Variants in SLC2A14 observed in about 807,000 individuals in gnomAD.
SLC2A14 encodes solute carrier family 2, facilitated glucose transporter member 14.
Under a neutral mutation model 43.0 loss-of-function variants are expected in SLC2A14, and 13 were observed. The observed-to-expected ratio is 0.30, with a 90% CI of 0.20 to 0.48. The LOEUF (loss-of-function observed/expected upper bound fraction) is 0.48. Ranked by LOEUF, SLC2A14 falls within the 20% of genes least tolerant of loss-of-function variation. The probability of loss-of-function intolerance (pLI) is 0.99; values close to 1 mark genes in which losing one functional copy is unlikely to be tolerated. For synonymous variants in SLC2A14, 190 were observed against 233.8 expected, an observed-to-expected ratio of 0.81 and a Z score of 1.71; for missense variants, 428 against 620.4, an observed-to-expected ratio of 0.69 and a Z score of 3.29.
intron 2 of SLC2A14, among the ~76,000 whole-genome samples, chr12:7,863,192 G>A (rs1944692236): frequency 1.3e-5 from 2 of 152,052 alleles, no homozygotes; most frequent in Non-Finnish European, 2.9e-5. Context: ...CCACCGGAAG[G>A]AACGAACGAC....
chr12:7,860,295 G>A (rs1944474381), intron 2 of SLC2A14: 2 of 152,208 alleles, frequency 1.3e-5, no homozygotes, highest in South Asian at 4.1e-4. Flanking sequence ...GAAAATATCA[G>A]GCAGAAGATA....
chr12:7,834,140 A>G (rs1330109571), intron 2 of SLC2A14, among the ~76,000 whole-genome samples: 3 of 151,732 alleles, frequency 2.0e-5, no homozygotes, highest in Admixed American at 6.6e-5. Flanking sequence ...TTTTCTTTTT[A>G]GTAAAAGTCC....
chr12:7,882,079 C>T (rs892232436), intron 1 of SLC2A14, among the ~76,000 whole-genome samples: 1 of 152,110 alleles, frequency 6.6e-6, no homozygotes, highest in African/African-American at 2.4e-5. Context: ...GCCTCCCTTT[C>T]TACACTTGGA....
intron 7 of SLC2A14, among the ~76,000 whole-genome samples, chr12:7,827,270 C>CTTTTTTTTTTTT (rs71038780): frequency 1.0e-5 from 1 of 99,242 alleles, no homozygotes. Flanking sequence ...TAATTTTTGT[C>CTTTTTTTTTTTT]TTTTTTTTTT....
intron 2 of SLC2A14, among the ~76,000 whole-genome samples, chr12:7,833,283 AGTTT>A (rs1388800354): frequency 6.6e-6 from 1 of 152,160 alleles, no homozygotes; most frequent in Non-Finnish European, 1.5e-5. Flanking sequence ...AGGTGGTAGT[AGTTT>A]GTGTCTTCAC....
At chr12:7,828,550 A>G (rs1032967496) in intron 6 of SLC2A14, among the ~76,000 whole-genome samples, 154 bp downstream of exon 6, 5 of 152,054 alleles carry the variant, frequency 3.3e-5, no homozygotes, top group Non-Finnish European at 5.9e-5. Context: ...TTCTGTCTCA[A>G]AAAAAGAAAA....
chr12:7,829,710 C>G, intron 5 of SLC2A14, 56 bp downstream of exon 5: 1 of 1,598,404 alleles, frequency 6.3e-7, no homozygotes, highest in South Asian at 1.1e-5. Flanking sequence ...CCTATGTTAA[C>G]TTTTTTAATG....
At chr12:7,861,945 G>C (rs1473420898) in intron 2 of SLC2A14, among the ~76,000 whole-genome samples, 1 of 141,574 alleles carries the variant, frequency 7.1e-6, no homozygotes, top group African/African-American at 2.7e-5. Context: ...CTGGGCGACA[G>C]AGCGAGACTC....
chr12:7,875,977 GA>G (rs1332791413), upstream of SLC2A14, among the ~76,000 whole-genome samples: 6 of 145,624 alleles, frequency 4.1e-5, no homozygotes, highest in African/African-American at 1.0e-4. Flanking sequence ...CTTCGTCCCA[GA>G]AAAAAAAAAG....
intron 8 of SLC2A14, among the ~76,000 whole-genome samples, chr12:7,820,775 CT>C (rs1345483972): frequency 6.6e-6 from 1 of 152,096 alleles, no homozygotes; most frequent in African/African-American, 2.4e-5. Context: ...TTGAATGTAT[CT>C]CTTTTTTCCA....
chr12:7,821,073 C>A (rs776389830), intron 8 of SLC2A14, 148 bp downstream of exon 8: 25 of 538,048 alleles, frequency 4.6e-5, no homozygotes, highest in Non-Finnish European at 7.2e-5. Context: ...GGCAACAGAG[C>A]AAGACTCTGT....
At chr12:7,836,021 C>A (rs753855749) in intron 2 of SLC2A14, among the ~76,000 whole-genome samples, 1 of 152,146 alleles carries the variant, frequency 6.6e-6, no homozygotes, top group African/African-American at 2.4e-5. Context: ...AGCTCTCAGG[C>A]CTGTCCCACT....
chr12:7,840,035 C>G, intron 2 of SLC2A14: 1 of 337,836 alleles, frequency 3.0e-6, no homozygotes, highest in Non-Finnish European at 5.8e-6. Context: ...TCACTTGAGC[C>G]CGGGAGGTCA....
intron 7 of SLC2A14, among the ~76,000 whole-genome samples, chr12:7,827,066 TC>T (rs1278862547): frequency 9.7e-5 from 8 of 82,362 alleles, no homozygotes; most frequent in African/African-American, 1.6e-4. Flanking sequence ...TCTTTCTTTC[TC>T]TCTCTCTCTT....
chr12:7,850,381 A>G (rs947204885), intron 2 of SLC2A14, among the ~76,000 whole-genome samples: 1 of 152,112 alleles, frequency 6.6e-6, no homozygotes, highest in Non-Finnish European at 1.5e-5. Context: ...CAGGTGAGGA[A>G]TGAACTAATT....
intron 2 of SLC2A14, among the ~76,000 whole-genome samples, chr12:7,849,506 A>G (rs1039478542): frequency 6.6e-6 from 1 of 152,118 alleles, no homozygotes; most frequent in African/African-American, 2.4e-5. Context: ...TGTTACACAC[A>G]TAAGTAAATC....
At chr12:7,868,655 A>G (rs1945051682) in intron 2 of SLC2A14, among the ~76,000 whole-genome samples, 1 of 152,194 alleles carries the variant, frequency 6.6e-6, no homozygotes, top group Non-Finnish European at 1.5e-5. Flanking sequence ...CTTCCCAGAA[A>G]AAAGCTACAT....
At chr12:7,877,148 G>A (rs183306102), upstream of SLC2A14, among the ~76,000 whole-genome samples, 5 of 151,748 alleles carry the variant, frequency 3.3e-5, no homozygotes, top group East Asian at 5.8e-4. Context: ...GATTACAGGC[G>A]CATGCCACTC....
intron 2 of SLC2A14, among the ~76,000 whole-genome samples, chr12:7,867,887 A>G (rs7971169): frequency 0.28 from 42,859 of 150,620 alleles, 6,274 homozygotes; most frequent in Middle Eastern, 0.35. Flanking sequence ...CATGGAATCT[A>G]CTCCTAGTAA....
Sources: allele counts gnomAD v4.1 joint callset (sites outside exome capture counted in the v4.1 genomes callset), GRCh38; gene constraint gnomAD v4.1.1; transcripts MANE v1.5; gene names NCBI Gene and HGNC (gene_info 2026-07-23, HGNC 2026-07-21).